The following CWF19L2 variants were observed in gnomAD, a reference collection of about 807,000 sequenced individuals.
CWF19L2 encodes the protein CWF19-like protein 2.
Under a neutral mutation model 111.7 loss-of-function variants are expected in CWF19L2, and 98 were observed. The observed-to-expected ratio is 0.88, with a 90% CI of 0.75 to 1.04. The LOEUF (loss-of-function observed/expected upper bound fraction) is 1.04. Ranked by LOEUF, CWF19L2 falls within the 50% of genes least tolerant of loss-of-function variation. The probability of loss-of-function intolerance (pLI) is 0.00; values close to 1 mark genes in which losing one functional copy is unlikely to be tolerated. For synonymous variants in CWF19L2, 351 were observed against 342.9 expected (o/e 1.02, Z -0.26); for missense variants, 1,101 against 1,051.4 (o/e 1.05, Z -0.65).
At chr11:107,415,621 A>T (rs1861214004) in intron 10 of CWF19L2, among the ~76,000 whole-genome samples, 1 of 152,374 alleles carries the variant, frequency 6.6e-6, no homozygotes, top group Non-Finnish European at 1.5e-5. Flanking sequence ...CTCATACAGA[A>T]GCAATCAGTA....
intron 10 of CWF19L2, among the ~76,000 whole-genome samples, chr11:107,414,305 A>C (rs1178619104): frequency 6.6e-6 from 1 of 151,906 alleles, no homozygotes; most frequent in Admixed American, 6.6e-5. Context: ...ACAATCCTCC[A>C]CCTCAGCCTC....
At chr11:107,400,117 G>A (rs1860979592) in intron 10 of CWF19L2, among the ~76,000 whole-genome samples, 1 of 151,988 alleles carries the variant, frequency 6.6e-6, no homozygotes, top group African/African-American at 2.4e-5. Flanking sequence ...TCAAAAGTCT[G>A]AAAGTGCACA....
intron 8 of CWF19L2, among the ~76,000 whole-genome samples, chr11:107,419,843 T>C (rs549852247): frequency 6.6e-6 from 1 of 152,208 alleles, no homozygotes; most frequent in African/African-American, 2.4e-5. Context: ...ATAACTATTT[T>C]TAAAATATAT....
intron 10 of CWF19L2, among the ~76,000 whole-genome samples, chr11:107,405,873 T>G (rs985638607): frequency 2.4e-5 from 3 of 122,822 alleles, no homozygotes; most frequent in African/African-American, 8.3e-5. Flanking sequence ...AAGAAGATAA[T>G]GCAAATTAAG....
At chr11:107,429,806 CAA>C (rs33980353) in intron 7 of CWF19L2, among the ~76,000 whole-genome samples, 2,322 of 105,660 alleles carry the variant, frequency 0.022, 40 homozygotes, top group African/African-American at 0.066. Context: ...AGATTCTCAC[CAA>C]AAAAAAAAAA....
chr11:107,442,363 CA>C (rs1251646724), intron 4 of CWF19L2, among the ~76,000 whole-genome samples: 7 of 152,024 alleles, frequency 4.6e-5, no homozygotes, highest in Non-Finnish European at 8.8e-5. Context: ...CATTTATTCT[CA>C]AAAGTTGATA....
chr11:107,443,475 T>C (rs570675762), intron 3 of CWF19L2, among the ~76,000 whole-genome samples: 48 of 147,634 alleles, frequency 3.3e-4, no homozygotes, highest in African/African-American at 1.1e-3. Flanking sequence ...AGAGACTCCG[T>C]CTCAAAAAAA....
chr11:107,397,241 C>T (rs1000668634), intron 10 of CWF19L2, among the ~76,000 whole-genome samples: 4 of 152,098 alleles, frequency 2.6e-5, no homozygotes, highest in Non-Finnish European at 5.9e-5. Context: ...CCTTTTCTCT[C>T]GCAGCTGGAA....
Position 107,329,983 on chromosome 11 carries a change from C to T in CWF19L2, c.2476G>A (p.Gly826Ser). Residue 826 changes from glycine (G) to serine (S), a missense_variant, in exon 17 of 18, where the codon GGC becomes AGC. Physicochemically the swap from Gly to Ser is moderately conservative, Grantham distance 56. Transcript: ENST00000282251. ...RGLPYFSVDF[G>S]LHGGFAHVIE... ...ACATGGGCAAACCCTCCGTGAAGGC[C>T]AAAATCCACAGAGAAGTAAGGTAAC... 2 of 1,587,614 alleles carry T rather than the reference C, an allele frequency of 1.3e-6. No individual in the cohort carries two copies. Among genetic ancestry groups the T allele is most frequent in the African/African-American group, 1.3e-5 (1 of 74,432 alleles).
At chr11:107,369,941 C>T (rs1860484372) in intron 12 of CWF19L2, among the ~76,000 whole-genome samples, 1 of 138,040 alleles carries the variant, frequency 7.2e-6, no homozygotes, top group Non-Finnish European at 1.6e-5. Flanking sequence ...CGGGATCTCA[C>T]TCTGTAGCCC....
Position 107,429,281 on chromosome 11 carries a change from T to C in CWF19L2, c.951A>G (p.Arg317=). 1 of 1,613,296 alleles carries C rather than the reference T, an allele frequency of 6.2e-7. No individual in the cohort carries two copies. Among genetic ancestry groups the C allele is most frequent in the South Asian group, 1.1e-5 (1 of 90,992 alleles). Residue 317 remains arginine, a synonymous_variant, in exon 8 of 18, where the codon AGA becomes AGG. Transcript: ENST00000282251. The part of the protein sequence containing the change: ...LVKYGNSSRD[R]YATTDTAKNS... ...TTTTTGCAGTATCTGTTGTAGCATATCTATCCCTTGAACTGTTACCATATT... is the reference window on the plus strand; with the variant it reads ...TTTTTGCAGTATCTGTTGTAGCATACCTATCCCTTGAACTGTTACCATATT...
intron 10 of CWF19L2, among the ~76,000 whole-genome samples, chr11:107,402,643 TAGTAC>T (rs1691614492): frequency 6.6e-6 from 1 of 151,866 alleles, no homozygotes. Flanking sequence ...GAATGTAAAC[TAGTAC>T]AGCCACTATG....
At chr11:107,421,134 A>C (rs192413027) in intron 8 of CWF19L2, among the ~76,000 whole-genome samples, 6,127 of 152,224 alleles carry the variant, frequency 0.04, 152 homozygotes, top group East Asian at 0.11. Flanking sequence ...AATCATTAAC[A>C]AAAGTCTCTG....
intron 12 of CWF19L2, among the ~76,000 whole-genome samples, chr11:107,354,991 C>T (rs7928069): frequency 0.013 from 2,004 of 152,314 alleles, 31 homozygotes; most frequent in African/African-American, 0.044. Flanking sequence ...AGGATGACTA[C>T]ACTGTATCAC....
chr11:107,401,146 G>C (rs1456561840), intron 10 of CWF19L2, among the ~76,000 whole-genome samples: 1 of 152,122 alleles, frequency 6.6e-6, no homozygotes, highest in Non-Finnish European at 1.5e-5. Flanking sequence ...TTCTCTCTGA[G>C]AACTGGAGCA....
intron 1 of CWF19L2, among the ~76,000 whole-genome samples, chr11:107,456,011 C>T (rs898542377): frequency 1.2e-4 from 19 of 152,314 alleles, no homozygotes; most frequent in African/African-American, 3.6e-4. Context: ...ATTTGAGTTA[C>T]CAATCAGAGA....
intron 12 of CWF19L2, among the ~76,000 whole-genome samples, chr11:107,371,189 G>C (rs1860505165): frequency 7.4e-6 from 1 of 135,196 alleles, no homozygotes; most frequent in Non-Finnish European, 1.6e-5. Flanking sequence ...ATTTTTAGTA[G>C]AGACAGGATT....
At chr11:107,391,672 A>C (rs1289102049) in intron 11 of CWF19L2, among the ~76,000 whole-genome samples, 1 of 152,172 alleles carries the variant, frequency 6.6e-6, no homozygotes, top group Non-Finnish European at 1.5e-5. Context: ...AATCTTTCCA[A>C]TGCTGCTCTC....
In CWF19L2 at chr11:107,429,343, G is replaced by C. The variant is rs367678991; in HGVS notation, c.889C>G (p.Gln297Glu). 12 of 1,605,252 alleles carry C rather than the reference G, an allele frequency of 7.5e-6. No individual in the cohort carries two copies. The highest frequency in any genetic ancestry group is 1.0e-5 in the Non-Finnish European group (12 of 1,174,914). ...GATTCTCTACTTTCTTGACAATTTT[G>C]TGCTTTATCTGAATATGTGGGTTTC... ...WRKPTYSDKAQNCQESRESDL... is the reference protein window; with the variant it reads ...WRKPTYSDKAENCQESRESDL... Residue 297 changes from glutamine (Q) to glutamate (E), a missense_variant, in exon 8 of 18, where the codon CAA becomes GAA. Physicochemically the swap from Gln to Glu is conservative, Grantham distance 29. Coordinates refer to ENST00000282251, the MANE Select transcript of CWF19L2 (RefSeq NM_152434.3).
Sources: allele counts gnomAD v4.1 joint callset (sites outside exome capture counted in the v4.1 genomes callset), GRCh38; gene constraint gnomAD v4.1.1; transcripts MANE v1.5; gene names NCBI Gene and HGNC (gene_info 2026-07-23, HGNC 2026-07-21).